TMEM39B: variants seen among roughly 807,000 people sequenced by gnomAD.
TMEM39B encodes the protein transmembrane protein 39B.
A neutral mutation model predicts 52.2 loss-of-function variants in TMEM39B; 23 were observed. The ratio of observed to expected loss-of-function variants is 0.44; its 90% CI spans 0.32 to 0.62. TMEM39B has a LOEUF of 0.62. TMEM39B is among the 20% of genes least tolerant of loss of function. The probability of loss-of-function intolerance (pLI) is 0.06; values close to 1 mark genes in which losing one functional copy is unlikely to be tolerated. For synonymous variants in TMEM39B, 285 were observed against 264.0 expected, an observed-to-expected ratio of 1.08 and a Z score of -0.77; for missense variants, 547 against 642.0, an observed-to-expected ratio of 0.85 and a Z score of 1.60.
chr1:32,100,725 CACTT>C lies in TMEM39B; in HGVS notation c.1236+165_1236+168del, dbSNP rs768716560. 8.2e-6 allele frequency: 8 copies of C among 973,598 alleles called. No individual in the cohort carries two copies. In the East Asian group the frequency reaches 1.0e-4, roughly 13 times the overall value. 60.3% of individuals were successfully genotyped at this position (973,598 alleles called of 1,614,324 possible). On this transcript the variant is annotated intron_variant, in intron 8 of 8. Transcript: ENST00000336294. ...GCACAAGGACAGCCATATAAATTGT[CACTT>C]AATAACTGCAGCTCGGCCGGGCATG... is the stretch of plus-strand genomic sequence containing the variant.
rs1640624816 is a variant in TMEM39B at position 32,091,940 on chromosome 1, A to G, written c.856A>G (p.Met286Val). Residue 286 changes from methionine (M) to valine (V), a missense_variant, in exon 6 of 9, where the codon ATG becomes GTG. Transcript: ENST00000336294. ...CCTCAAGATGGACTTCAACTGGCGCATGAAGGAAGTGCTCGTCAGCTCCAT... is the reference window on the plus strand; with the variant it reads ...CCTCAAGATGGACTTCAACTGGCGCGTGAAGGAAGTGCTCGTCAGCTCCAT... The part of the protein sequence containing the change: ...EFLKMDFNWR[M>V]KEVLVSSMLS... The G allele has an allele frequency of 3.7e-6, 6 of 1,614,186 alleles. No individual in the cohort carries two copies. The highest frequency in any genetic ancestry group is 5.1e-6 in the Non-Finnish European group (6 of 1,180,024).
In TMEM39B at chr1:32,074,837, A is replaced by G; in HGVS notation, c.5-114A>G. ...AAGAAGGGGCCAGATCATAGGTCTCAGTGAGGATTAAATGATAAAGTGAGA... is the reference window on the plus strand; with the variant it reads ...AAGAAGGGGCCAGATCATAGGTCTCGGTGAGGATTAAATGATAAAGTGAGA... On this transcript the variant is annotated intron_variant, in intron 1 of 8. Transcript: ENST00000336294. 5 of 1,298,530 alleles carry G rather than the reference A, an allele frequency of 3.9e-6. No homozygotes were observed. The South Asian group carries it at 7.7e-5, about 20-fold the overall frequency. The allele number at this position is 1,298,530 out of a possible 1,614,324, so 80.4% of individuals were successfully genotyped here. A position where few individuals can be genotyped will look rare whatever the true frequency, so the allele number is the denominator to read the frequency against.
In TMEM39B at chr1:32,102,467, C is replaced by T. The variant is rs1353745628; in HGVS notation, c.1273C>T (p.Leu425Phe). The T allele has an allele frequency of 1.2e-6, 2 of 1,614,016 alleles. No individual in the cohort carries two copies. Among genetic ancestry groups the T allele is most frequent in the Non-Finnish European group, 1.7e-6 (2 of 1,179,998 alleles). The change falls in exon 9 of 9, where the codon CTC becomes TTC. Residue 425 changes from leucine (L) to phenylalanine (F), a missense_variant. Physicochemically the swap from Leu to Phe is conservative, Grantham distance 22. Coordinates refer to ENST00000336294, the MANE Select transcript of TMEM39B (RefSeq NM_018056.4). ...CAAACCCCTGCGGATCCTCAACATC[C>T]TCCTGCTGCTGGAGGGCGCTGTCAT... ...FSKPLRILNI[L>F]LLLEGAVIVY...
intron 6 of TMEM39B, among the ~76,000 whole-genome samples, chr1:32,093,704 G>A (rs1640698616): frequency 2.0e-5 from 3 of 151,966 alleles, no homozygotes; most frequent in East Asian, 1.9e-4. Flanking sequence ...AAGCCACTGC[G>A]CCCGGCCCTT....
chr1:32,075,610 T>G lies in TMEM39B; in HGVS notation c.139T>G (p.Ser47Ala). Residue 47 changes from serine (S) to alanine (A), a missense_variant, in exon 3 of 9, where the codon TCT becomes GCT. Transcript: ENST00000336294. ...TSVRSRTRSS[S>A]GTGLSSPPLA... ...TTCCCTCCCCACTGTCAGGAGCAGT[T>G]CTGGAACAGGCCTCTCCAGCCCTCC... 3 of 1,550,962 alleles carry G rather than the reference T, an allele frequency of 1.9e-6. No individual in the cohort carries two copies. Among genetic ancestry groups the G allele is most frequent in the Non-Finnish European group, 2.6e-6 (3 of 1,146,852 alleles).
chr1:32,095,984 C>T (rs1640792442), intron 7 of TMEM39B, among the ~76,000 whole-genome samples: 1 of 152,154 alleles, frequency 6.6e-6, no homozygotes, highest in Admixed American at 6.6e-5. Context: ...GAGGATATAC[C>T]TGTCCATGGC....
intron 8 of TMEM39B, among the ~76,000 whole-genome samples, chr1:32,100,966 G>C (rs189621720): frequency 6.6e-6 from 1 of 152,128 alleles, no homozygotes; most frequent in African/African-American, 2.4e-5. Context: ...AGGAGACGGA[G>C]GTTGCAGTGA....
chr1:32,075,876 A>ATG (rs1399132010), intron 3 of TMEM39B, 54 bp downstream of exon 3: 35 of 1,109,456 alleles, frequency 3.2e-5, no homozygotes, highest in Middle Eastern at 3.2e-4. Flanking sequence ...GTGTGTGTGT[A>ATG]TGTGTGTGTG....
intron 5 of TMEM39B, among the ~76,000 whole-genome samples, chr1:32,080,814 T>C (rs1640063755): frequency 6.6e-6 from 1 of 152,142 alleles, no homozygotes; most frequent in African/African-American, 2.4e-5. Context: ...AAAATGTTTA[T>C]TGACCAAATA....
At chr1:32,084,477 G>A (rs1164035262) in intron 5 of TMEM39B, among the ~76,000 whole-genome samples, 2 of 152,100 alleles carry the variant, frequency 1.3e-5, no homozygotes, top group East Asian at 3.8e-4. Context: ...TTTAACAATG[G>A]GTACGTTGGA....
In TMEM39B at chr1:32,073,033, C is replaced by A; in HGVS notation, c.-15C>A. Reference sequence around the variant, plus strand: ...GGAGCTGCGGCGGCGAAGCGGAGAGCACCGGGGGGAGGAGATGGGTGAGCA... The same window carrying A: ...GGAGCTGCGGCGGCGAAGCGGAGAGAACCGGGGGGAGGAGATGGGTGAGCA... On this transcript the variant is annotated 5_prime_UTR_variant, in exon 1 of 9. Transcript: ENST00000336294. 1 of 1,526,702 alleles carries A rather than the reference C, an allele frequency of 6.6e-7. No individual in the cohort carries two copies. The highest frequency in any genetic ancestry group is 8.8e-7 in the Non-Finnish European group (1 of 1,135,406). The allele number at this position is 1,526,702 out of a possible 1,614,324, so 94.6% of individuals were successfully genotyped here.
chr1:32,101,130 G>C (rs1312365819), intron 8 of TMEM39B, among the ~76,000 whole-genome samples: 1 of 152,168 alleles, frequency 6.6e-6, no homozygotes, highest in Non-Finnish European at 1.5e-5. Flanking sequence ...AGGGGCTCTT[G>C]GCAGTGAAAG....
chr1:32,075,768 C>T lies in TMEM39B; in HGVS notation c.297C>T (p.Ile99=), dbSNP rs1395510266. ...LIALFVHYIN[I]YKTVWWYPPS... ...CACTCTTCGTCCACTACATCAACATCTACAAGACAGTGTGGTGGTATCCAC... is the reference window on the plus strand; with the variant it reads ...CACTCTTCGTCCACTACATCAACATTTACAAGACAGTGTGGTGGTATCCAC... Residue 99 remains isoleucine (I), a synonymous_variant, in exon 3 of 9, where the codon ATC becomes ATT. Transcript: ENST00000336294. 6.5e-7 allele frequency: 1 copy of T among 1,547,952 alleles called. No homozygotes were observed. The highest frequency in any genetic ancestry group is 8.7e-7 in the Non-Finnish European group (1 of 1,144,074).
In TMEM39B at chr1:32,075,798, C is replaced by A; in HGVS notation, c.327C>A (p.Ser109=). The A allele has an allele frequency of 3.3e-6, 5 of 1,523,282 alleles. No homozygotes were observed. Among genetic ancestry groups the A allele is most frequent in the Non-Finnish European group, 4.4e-6 (5 of 1,127,404 alleles). 94.4% of individuals were successfully genotyped at this position (1,523,282 alleles called of 1,614,324 possible). The change falls in exon 3 of 9, where the codon TCC becomes TCA. Residue 109 remains serine (S), a synonymous_variant. Transcript: ENST00000336294. ...IYKTVWWYPP[S]HPPSHTSLNF... ...AGACAGTGTGGTGGTATCCACCTTC[C>A]CACCCACCCTCCCACACCTCCCTGG...
rs762343709 is a variant in TMEM39B at position 32,100,571 on chromosome 1, C to G, written c.1236+9C>G. ...CCCACTTCCGCTTCCATGTGAGTCT[C>G]CTCCCCGGGGAAGGAGGGTTGGGGC... On this transcript the variant is annotated intron_variant, in intron 8 of 8. Coordinates refer to ENST00000336294, the MANE Select transcript of TMEM39B (RefSeq NM_018056.4). 1.9e-6 allele frequency: 3 copies of G among 1,614,016 alleles called. No individual in the cohort carries two copies. The highest frequency in any genetic ancestry group is 2.2e-5 in the South Asian group (2 of 91,082).
At chr1:32,097,416 C>T (rs565911904) in intron 7 of TMEM39B, among the ~76,000 whole-genome samples, 11 of 151,604 alleles carry the variant, frequency 7.3e-5, no homozygotes, top group Admixed American at 5.9e-4. Flanking sequence ...GTGCAATTTC[C>T]GCCTCCCAGG....
intron 5 of TMEM39B, among the ~76,000 whole-genome samples, chr1:32,081,909 T>C (rs1640114324): frequency 6.6e-6 from 1 of 152,144 alleles, no homozygotes; most frequent in Non-Finnish European, 1.5e-5. Flanking sequence ...ATGTTTTTGG[T>C]TTCTTGTATA....
intron 5 of TMEM39B, among the ~76,000 whole-genome samples, chr1:32,089,638 A>G (rs1640520724): frequency 6.6e-6 from 1 of 151,382 alleles, no homozygotes; most frequent in Non-Finnish European, 1.5e-5. Flanking sequence ...CCCAGAAAAA[A>G]GTAAAAGGAG....
intron 5 of TMEM39B, among the ~76,000 whole-genome samples, chr1:32,084,186 G>A (rs55971858): frequency 0.042 from 6,362 of 152,032 alleles, 453 homozygotes; most frequent in African/African-American, 0.14. Context: ...AGAATGATGA[G>A]CCTTCATCAT....
Sources: allele counts gnomAD v4.1 joint callset (sites outside exome capture counted in the v4.1 genomes callset), GRCh38; gene constraint gnomAD v4.1.1; transcripts MANE v1.5; gene names NCBI Gene and HGNC (gene_info 2026-07-23, HGNC 2026-07-21).